Variants in SNTG2 observed in about 807,000 individuals in gnomAD.
The protein encoded by SNTG2 is gamma-2-syntrophin.
A neutral mutation model predicts 70.9 loss-of-function variants in SNTG2; 74 were observed. The observed-to-expected ratio is 1.04, with a 90% CI of 0.86 to 1.27. The LOEUF is 1.27. Among genes scored for constraint, SNTG2 ranks in the 50% most tolerant of loss-of-function variants. SNTG2 has a pLI of 0.00. For missense variants in SNTG2, 717 were observed against 690.7 expected (o/e 1.04, Z -0.43); for synonymous variants, 278 against 273.8 (o/e 1.02, Z -0.15).
At chr2:986,450 CTA>C (rs1661327801) in intron 1 of SNTG2, among the ~76,000 whole-genome samples, 1 of 152,142 alleles carries the variant, frequency 6.6e-6, no homozygotes, top group Admixed American at 6.5e-5. Flanking sequence ...GCTGATTTAC[CTA>C]AATAGGACTT....
chr2:1,098,490 C>A, intron 4 of SNTG2, 80 bp downstream of exon 4: 1 of 1,438,802 alleles, frequency 7.0e-7, no homozygotes, highest in Non-Finnish European at 9.8e-7. Context: ...TAAAAATCAG[C>A]AGATATGTGT....
At chr2:1,190,915 T>G (rs1672555255) in intron 8 of SNTG2, among the ~76,000 whole-genome samples, 2 of 152,178 alleles carry the variant, frequency 1.3e-5, no homozygotes, top group Admixed American at 6.5e-5. Flanking sequence ...TTTAGTACTA[T>G]CATTTACAAC....
intron 2 of SNTG2, among the ~76,000 whole-genome samples, chr2:1,087,215 C>T (rs1482604545): frequency 6.6e-6 from 1 of 152,188 alleles, no homozygotes; most frequent in African/African-American, 2.4e-5. Context: ...TGGTGATGCG[C>T]ACCTGCTGTT....
At chr2:989,531 G>A (rs1460266628) in intron 1 of SNTG2, among the ~76,000 whole-genome samples, 2 of 152,170 alleles carry the variant, frequency 1.3e-5, no homozygotes, top group East Asian at 1.9e-4. Flanking sequence ...TTATGTAAAC[G>A]TGCAATACTG....
At chr2:1,021,185 G>A (rs916602615) in intron 1 of SNTG2, among the ~76,000 whole-genome samples, 3 of 152,090 alleles carry the variant, frequency 2.0e-5, no homozygotes, top group Non-Finnish European at 4.4e-5. Context: ...AATTTTTTGA[G>A]TATTATTACA....
At position 1,137,827 on chromosome 2, in the gene SNTG2, T is replaced by A; in HGVS notation, c.411+18T>A. On this transcript the variant is annotated intron_variant, in intron 6 of 16. Coordinates refer to ENST00000308624, the MANE Select transcript of SNTG2 (RefSeq NM_018968.4). Reference sequence around the variant, plus strand: ...AAGAAGTGGTAAGTGAATTACATTTTATAGTTATTCTGTTTATTATTCTTG... The same window carrying A: ...AAGAAGTGGTAAGTGAATTACATTTAATAGTTATTCTGTTTATTATTCTTG... 2.4e-5 allele frequency: 38 copies of A among 1,592,156 alleles called. No individual in the cohort carries two copies. Among genetic ancestry groups the A allele is most frequent in the Non-Finnish European group, 3.3e-5 (38 of 1,161,240 alleles).
chr2:998,176 T>A (rs1487360749), intron 1 of SNTG2, among the ~76,000 whole-genome samples: 2 of 151,600 alleles, frequency 1.3e-5, no homozygotes, highest in African/African-American at 4.8e-5. Context: ...GAAAGTAAAT[T>A]CAAAAATAAC....
At chr2:1,172,171 T>C (rs1484927972) in intron 7 of SNTG2, among the ~76,000 whole-genome samples, 1 of 152,224 alleles carries the variant, frequency 6.6e-6, no homozygotes, top group African/African-American at 2.4e-5. Flanking sequence ...CAGGTCCTCC[T>C]GCTAGTGCTG....
chr2:1,277,241 G>A (rs1174727410), intron 14 of SNTG2, among the ~76,000 whole-genome samples: 1 of 152,150 alleles, frequency 6.6e-6, no homozygotes, highest in Non-Finnish European at 1.5e-5. Flanking sequence ...AGCATCACAT[G>A]CTACAGAGAA....
At chr2:1,037,628 G>A (rs1358881806) in intron 1 of SNTG2, among the ~76,000 whole-genome samples, 1 of 152,028 alleles carries the variant, frequency 6.6e-6, no homozygotes, top group Non-Finnish European at 1.5e-5. Flanking sequence ...CAGAATCATA[G>A]GACGTCTGGT....
At chr2:1,084,580 C>T (rs776799847) in intron 2 of SNTG2, among the ~76,000 whole-genome samples, 29 of 152,200 alleles carry the variant, frequency 1.9e-4, no homozygotes, top group Non-Finnish European at 1.3e-4. Context: ...AGAACCACAT[C>T]CCACCACGTG....
intron 13 of SNTG2, among the ~76,000 whole-genome samples, chr2:1,259,715 G>T (rs1678316393): frequency 6.6e-6 from 1 of 152,196 alleles, no homozygotes; most frequent in Non-Finnish European, 1.5e-5. Flanking sequence ...GGAGAGATGT[G>T]TTTTATGACA....
chr2:1,026,035 C>G (rs756322654), intron 1 of SNTG2, among the ~76,000 whole-genome samples: 5 of 152,150 alleles, frequency 3.3e-5, no homozygotes, highest in Non-Finnish European at 5.9e-5. Context: ...TGTTTTGTTG[C>G]ATGTTTATAG....
chr2:980,270 C>T (rs1661054796), intron 1 of SNTG2, among the ~76,000 whole-genome samples: 1 of 152,168 alleles, frequency 6.6e-6, no homozygotes, highest in African/African-American at 2.4e-5. Context: ...CCTGGGCCTC[C>T]TCTTTAAAGG....
chr2:1,251,732 C>T (rs1444021594), intron 12 of SNTG2, among the ~76,000 whole-genome samples: 1 of 148,224 alleles, frequency 6.7e-6, no homozygotes, highest in Non-Finnish European at 1.5e-5. Flanking sequence ...AGACACACAC[C>T]CCCCACAGGC....
intron 1 of SNTG2, among the ~76,000 whole-genome samples, chr2:1,078,909 C>T (rs962457698): frequency 3.9e-5 from 6 of 152,114 alleles, no homozygotes; most frequent in Non-Finnish European, 5.9e-5. Context: ...AGGGTGATGC[C>T]GTTGCCACCC....
intron 8 of SNTG2, among the ~76,000 whole-genome samples, chr2:1,207,132 G>A (rs112184332): frequency 7.2e-5 from 11 of 152,326 alleles, no homozygotes; most frequent in African/African-American, 1.9e-4. Flanking sequence ...GGTTGCAGTA[G>A]TCTATGTAGA....
chr2:1,191,515 G>A (rs1572689699), intron 8 of SNTG2, among the ~76,000 whole-genome samples: 1 of 152,166 alleles, frequency 6.6e-6, no homozygotes, highest in African/African-American at 2.4e-5. Flanking sequence ...CTAATTTGTG[G>A]CTGGGCGTGG....
chr2:1,300,922 G>T (rs1048865397), intron 14 of SNTG2, among the ~76,000 whole-genome samples: 3 of 152,088 alleles, frequency 2.0e-5, no homozygotes, highest in African/African-American at 7.2e-5. Flanking sequence ...TTTCTGCAGT[G>T]ATGTCCAAAA....
Sources: allele counts gnomAD v4.1 joint callset (sites outside exome capture counted in the v4.1 genomes callset), GRCh38; gene constraint gnomAD v4.1.1; transcripts MANE v1.5; gene names NCBI Gene and HGNC (gene_info 2026-07-23, HGNC 2026-07-21).